Variants in PCDHB10 observed in about 807,000 individuals in gnomAD.
The protein encoded by PCDHB10 is protocadherin beta 10, also known as protocadherin beta-10.
For synonymous variants in PCDHB10, 448 were observed against 449.2 expected (o/e 1.00, Z 0.04); for missense variants, 1,046 against 1,004.7 (o/e 1.04, Z -0.56).
rs868928705 is a variant in PCDHB10 at position 141,193,759 on chromosome 5, CTAAT to C, written c.1210_1213del (p.Ile404GlnfsTer27). The C allele has an allele frequency of 4.3e-6, 7 of 1,614,066 alleles. No homozygotes were observed. The African/African-American group carries it at 8.0e-5, about 18-fold the overall frequency. ...ACCTTCTGTGGAGAATTTTTACATC[CTAAT>C]TACAGAAGGCGCGCTGGACAGAGAG... On this transcript the variant is annotated frameshift_variant, in exon 1 of 1. Transcript: ENST00000239446. LOFTEE classifies it low-confidence loss of function (END_TRUNC).
At position 141,194,624 on chromosome 5, in the gene PCDHB10, ACCTGGTGGT is replaced by A; in HGVS notation, c.2073_2081del (p.Tyr691_Val694delinsTer). On this transcript the variant is annotated stop_gained and inframe_deletion, in exon 1 of 1. Transcript: ENST00000239446. LOFTEE classifies it low-confidence loss of function (END_TRUNC). ...GCCGAGGCCGACTTGCTCACCGTCT[ACCTGGTGGT>A]GGCGTTGGCCTCGGTGTCTTCGCTC... The A allele has an allele frequency of 6.3e-7, 1 of 1,596,800 alleles. No individual in the cohort carries two copies. The highest frequency in any genetic ancestry group is 1.1e-5 in the South Asian group (1 of 90,436).
rs782237237 is a variant in PCDHB10, at chr5:141,193,281, C to G, written c.729C>G (p.Ala243=). ...LDVNDNAPQF[A]QALYETQAPE... is the part of the protein sequence containing the mutation. ...TCAATGACAATGCCCCACAGTTTGC[C>G]CAGGCTCTGTATGAGACCCAGGCTC... Residue 243 remains alanine, a synonymous_variant, in exon 1 of 1, where the codon GCC becomes GCG. Transcript: ENST00000239446. The G allele has an allele frequency of 1.2e-6, 2 of 1,614,046 alleles. No individual in the cohort carries two copies. Among genetic ancestry groups the G allele is most frequent in the South Asian group, 2.2e-5 (2 of 91,070 alleles).
At position 141,194,096 on chromosome 5, in the gene PCDHB10, C is replaced by A; in HGVS notation, c.1544C>A (p.Ala515Asp). 3 of 1,605,856 alleles carry A rather than the reference C, an allele frequency of 1.9e-6. No individual in the cohort carries two copies. Among genetic ancestry groups the A allele is most frequent in the Non-Finnish European group, 1.7e-6 (2 of 1,176,378 alleles). ...SINADNGHLFALRSLDYEALQ... is the reference protein window; with the variant it reads ...SINADNGHLFDLRSLDYEALQ... ...AACGCGGACAACGGCCACCTGTTCGCCCTCAGGTCGCTGGACTACGAGGCC... is the reference window on the plus strand; with the variant it reads ...AACGCGGACAACGGCCACCTGTTCGACCTCAGGTCGCTGGACTACGAGGCC... The change falls in exon 1 of 1, where the codon GCC becomes GAC. Residue 515 changes from alanine to aspartate, a missense_variant. Physicochemically the swap from Ala to Asp is moderately radical, Grantham distance 126. Transcript: ENST00000239446.
rs201494824 is a variant in PCDHB10, at chr5:141,193,963, G to C, written c.1411G>C (p.Gly471Arg). 231 of 1,611,148 alleles carry C rather than the reference G, an allele frequency of 1.4e-4. No individual in the cohort carries two copies. Among genetic ancestry groups the C allele is most frequent in the African/African-American group, 7.2e-4 (54 of 74,750 alleles). ...RENNSPALHI[G>R]SVSATDRDSG... ...GAACAACAGCCCCGCCCTGCACATC[G>C]GCAGCGTCAGCGCCACAGACAGAGA... is the stretch of plus-strand genomic sequence containing the variant. Residue 471 changes from glycine (G) to arginine (R), a missense_variant, in exon 1 of 1, where the codon GGC becomes CGC. Gly to Arg is a moderately radical substitution (Grantham distance 125). Transcript: ENST00000239446.
chr5:141,193,641 G>C lies in PCDHB10; in HGVS notation c.1089G>C (p.Thr363=). The C allele has an allele frequency of 6.2e-7, 1 of 1,614,086 alleles. No homozygotes were observed. Among genetic ancestry groups the C allele is most frequent in the Non-Finnish European group, 8.5e-7 (1 of 1,180,026 alleles). The change falls in exon 1 of 1, where the codon ACG becomes ACC. Residue 363 remains threonine, a synonymous_variant. Coordinates refer to ENST00000239446, the MANE Select transcript of PCDHB10 (RefSeq NM_018930.4). ...CTGTTGCTGAGAATTCTCCTGAGAC[G>C]CCGCTGGCTGTTTTTAAGATTAATG... ...SNSVAENSPE[T]PLAVFKINDR...
Position 141,193,950 on chromosome 5 carries a change from C to G in PCDHB10, c.1398C>G (p.Pro466=), listed in dbSNP as rs782690109. The change falls in exon 1 of 1, where the codon CCC becomes CCG. Residue 466 remains proline (P), a synonymous_variant. Transcript: ENST00000239446. ...YTLFVRENNS[P]ALHIGSVSAT... ...TGTTCGTCCGCGAGAACAACAGCCC[C>G]GCCCTGCACATCGGCAGCGTCAGCG... is the stretch of plus-strand genomic sequence containing the variant. 2.6e-5 allele frequency: 42 copies of G among 1,611,992 alleles called. No homozygotes were observed. The highest frequency in any genetic ancestry group is 3.1e-5 in the Non-Finnish European group (37 of 1,179,782).
At position 141,195,344 on chromosome 5, in the gene PCDHB10, A is replaced by G. The variant is rs1754031044; in HGVS notation, c.*389A>G. Reference sequence around the variant, plus strand: ...ATTTCCAAACTCATTCTAACATTCTATATATTCGTGTTTGAAAACCATGTC... The same window carrying G: ...ATTTCCAAACTCATTCTAACATTCTGTATATTCGTGTTTGAAAACCATGTC... On this transcript the variant is annotated 3_prime_UTR_variant, in exon 1 of 1. Transcript: ENST00000239446. 5.8e-6 allele frequency: 1 copy of G among 172,138 alleles called. No homozygotes were observed. The highest frequency in any genetic ancestry group is 3.0e-3 in the Middle Eastern group (1 of 334). 10.7% of individuals were successfully genotyped at this position (172,138 alleles called of 1,614,324 possible). A position where few individuals can be genotyped will look rare whatever the true frequency, so the allele number is the denominator to read the frequency against.
chr5:141,193,053 C>T lies in PCDHB10; in HGVS notation c.501C>T (p.Ile167=), dbSNP rs547580142. 6.2e-7 allele frequency: 1 copy of T among 1,614,166 alleles called. No homozygotes were observed. The highest frequency in any genetic ancestry group is 2.2e-5 in the East Asian group (1 of 44,896). The change falls in exon 1 of 1, where the codon ATC becomes ATT. Residue 167 remains isoleucine (I), a synonymous_variant. Transcript: ENST00000239446. ...AQDPDGGLNG[I]QNYTISPNSF... ...ATCCAGATGGAGGACTTAACGGTAT[C>T]CAAAACTACACGATCAGCCCCAACT...
At position 141,192,427 on chromosome 5, in the gene PCDHB10, T is replaced by G; in HGVS notation, c.-126T>G. On this transcript the variant is annotated 5_prime_UTR_variant, in exon 1 of 1. Coordinates refer to ENST00000239446, the MANE Select transcript of PCDHB10 (RefSeq NM_018930.4). ...AAAGAGAAGCTTTAGCTGCCAAAGA[T>G]TGGGAAAGGGAAAGGACAAAAAAGA... is the stretch of plus-strand genomic sequence containing the variant. 1 of 1,221,602 alleles carries G rather than the reference T, an allele frequency of 8.2e-7. No homozygotes were observed. The highest frequency in any genetic ancestry group is 1.1e-6 in the Non-Finnish European group (1 of 870,312). 75.7% of individuals were successfully genotyped at this position (1,221,602 alleles called of 1,614,324 possible). A position where few individuals can be genotyped will look rare whatever the true frequency, so the allele number is the denominator to read the frequency against.
In PCDHB10 at chr5:141,194,184, G is replaced by GGC. The variant is rs782200720; in HGVS notation, c.1635_1636dup (p.Leu546ArgfsTer42). Reference sequence around the variant, plus strand: ...GCGGCTCCCCCGCGCTGAGCAGAGAGGCGCTGGTGCGCGTGCTGGTGCTGG... The same window carrying GGC: ...GCGGCTCCCCCGCGCTGAGCAGAGAGGCGCGCTGGTGCGCGTGCTGGTGCTGG... On this transcript the variant is annotated frameshift_variant, in exon 1 of 1. Transcript: ENST00000239446. LOFTEE classifies it low-confidence loss of function (END_TRUNC). 234 of 1,603,068 alleles carry GGC rather than the reference G, an allele frequency of 1.5e-4. No homozygotes were observed. The highest frequency in any genetic ancestry group is 1.9e-4 in the Non-Finnish European group (223 of 1,177,948).
rs1554284215 is a variant in PCDHB10, at chr5:141,193,936, G to A, written c.1384G>A (p.Glu462Lys). 2.5e-6 allele frequency: 4 copies of A among 1,612,406 alleles called. No homozygotes were observed. Among genetic ancestry groups the A allele is most frequent in the Admixed American group, 1.7e-5 (1 of 59,982 alleles). ...TQTSYTLFVRENNSPALHIGS... is the reference protein window; with the variant it reads ...TQTSYTLFVRKNNSPALHIGS... Reference sequence around the variant, plus strand: ...AACCTCCTACACCCTGTTCGTCCGCGAGAACAACAGCCCCGCCCTGCACAT... The same window carrying A: ...AACCTCCTACACCCTGTTCGTCCGCAAGAACAACAGCCCCGCCCTGCACAT... The change falls in exon 1 of 1, where the codon GAG becomes AAG. Residue 462 changes from glutamate (E) to lysine (K), a missense_variant. Glu to Lys is a moderately conservative substitution (Grantham distance 56). Coordinates refer to ENST00000239446, the MANE Select transcript of PCDHB10 (RefSeq NM_018930.4).
At position 141,193,563 on chromosome 5, in the gene PCDHB10, A is replaced by T. The variant is rs2149669227; in HGVS notation, c.1011A>T (p.Val337=). ...CAAGATGTAGGGTTTTAGTGGAAGTATTGGACACCAATGACAATCCCCCTG... is the reference window on the plus strand; with the variant it reads ...CAAGATGTAGGGTTTTAGTGGAAGTTTTGGACACCAATGACAATCCCCCTG... The part of the protein sequence containing the change: ...LSARCRVLVE[V]LDTNDNPPEL... The change falls in exon 1 of 1, where the codon GTA becomes GTT. Residue 337 remains valine (V), a synonymous_variant. Coordinates refer to ENST00000239446, the MANE Select transcript of PCDHB10 (RefSeq NM_018930.4). The T allele has an allele frequency of 6.2e-7, 1 of 1,614,162 alleles. No homozygotes were observed. Among genetic ancestry groups the T allele is most frequent in the Middle Eastern group, 1.6e-4 (1 of 6,062 alleles).
Position 141,193,039 on chromosome 5 carries a change from G to A in PCDHB10, c.487G>A (p.Gly163Arg). ...AGAAAGAGCACAGGATCCAGATGGA[G>A]GACTTAACGGTATCCAAAACTACAC... Reference protein sequence around the residue: ...RLERAQDPDGGLNGIQNYTIS... With the variant: ...RLERAQDPDGRLNGIQNYTIS... Residue 163 changes from glycine to arginine, a missense_variant, in exon 1 of 1, where the codon GGA becomes AGA. Coordinates refer to ENST00000239446, the MANE Select transcript of PCDHB10 (RefSeq NM_018930.4). 1 of 1,614,182 alleles carries A rather than the reference G, an allele frequency of 6.2e-7. No homozygotes were observed. Among genetic ancestry groups the A allele is most frequent in the Non-Finnish European group, 8.5e-7 (1 of 1,180,032 alleles).
rs781809151 is a variant in PCDHB10 at position 141,194,508 on chromosome 5, C to A, written c.1956C>A (p.Arg652=). The change falls in exon 1 of 1, where the codon CGC becomes CGA. Residue 652 remains arginine, a synonymous_variant. Transcript: ENST00000239446. ...TCAAGGACAATGGCGAGCCTCCTCG[C>A]TCGGCCACCGCCACGCTGCACTTGC... The part of the protein sequence containing the change: ...VLVKDNGEPP[R]SATATLHLLL... The A allele has an allele frequency of 6.3e-7, 1 of 1,587,922 alleles. No homozygotes were observed. Among genetic ancestry groups the A allele is most frequent in the South Asian group, 1.1e-5 (1 of 89,246 alleles).
chr5:141,193,572 C>A lies in PCDHB10; in HGVS notation c.1020C>A (p.Thr340=), dbSNP rs782575554. The A allele has an allele frequency of 1.9e-6, 3 of 1,614,084 alleles. No individual in the cohort carries two copies. In the Admixed American group the frequency reaches 5.0e-5, roughly 27 times the overall value. The change falls in exon 1 of 1, where the codon ACC becomes ACA. Residue 340 remains threonine, a synonymous_variant. Coordinates refer to ENST00000239446, the MANE Select transcript of PCDHB10 (RefSeq NM_018930.4). ...RCRVLVEVLD[T]NDNPPELIVS... is the part of the protein sequence containing the mutation. ...GGGTTTTAGTGGAAGTATTGGACAC[C>A]AATGACAATCCCCCTGAACTGATCG... is the stretch of plus-strand genomic sequence containing the variant.
rs893842875 is a variant in PCDHB10 at position 141,192,387 on chromosome 5, G to C, written c.-166G>C. The C allele has an allele frequency of 6.8e-5, 56 of 829,220 alleles. No homozygotes were observed. The highest frequency in any genetic ancestry group is 1.0e-4 in the Non-Finnish European group (55 of 530,382). 51.4% of individuals were successfully genotyped at this position (829,220 alleles called of 1,614,324 possible). On this transcript the variant is annotated 5_prime_UTR_variant, in exon 1 of 1. Coordinates refer to ENST00000239446, the MANE Select transcript of PCDHB10 (RefSeq NM_018930.4). ...GCAAGTCACTAATAAAGGAAGACAC[G>C]GACAGATGAACTTAAAAGAGAAGCT...
At position 141,195,340 on chromosome 5, in the gene PCDHB10, T is replaced by C. The variant is rs1409244694; in HGVS notation, c.*385T>C. ...CTACATTTCCAAACTCATTCTAACATTCTATATATTCGTGTTTGAAAACCA... is the reference window on the plus strand; with the variant it reads ...CTACATTTCCAAACTCATTCTAACACTCTATATATTCGTGTTTGAAAACCA... On this transcript the variant is annotated 3_prime_UTR_variant, in exon 1 of 1. Transcript: ENST00000239446. 1.2e-5 allele frequency: 2 copies of C among 173,322 alleles called. No individual in the cohort carries two copies. The highest frequency in any genetic ancestry group is 4.8e-5 in the African/African-American group (2 of 41,628). 10.7% of individuals were successfully genotyped at this position (173,322 alleles called of 1,614,324 possible).
In PCDHB10 at chr5:141,194,536, C is replaced by T. The variant is rs781993872; in HGVS notation, c.1984C>T (p.Leu662=). The change falls in exon 1 of 1, where the codon CTG becomes TTG. Residue 662 remains leucine (L), a synonymous_variant. Transcript: ENST00000239446. ...RSATATLHLL[L]VDGFSQPYLP... is the part of the protein sequence containing the mutation. ...GGCCACCGCCACGCTGCACTTGCTC[C>T]TGGTGGACGGCTTCTCCCAGCCCTA... 4 of 1,579,262 alleles carry T rather than the reference C, an allele frequency of 2.5e-6. No homozygotes were observed. Among genetic ancestry groups the T allele is most frequent in the Non-Finnish European group, 3.4e-6 (4 of 1,166,146 alleles).
Position 141,194,702 on chromosome 5 carries a change from G to A in PCDHB10, c.2150G>A (p.Arg717Lys). Residue 717 changes from arginine (R) to lysine (K), a missense_variant, in exon 1 of 1, where the codon AGG becomes AAG. Arg to Lys is a conservative substitution (Grantham distance 26). Coordinates refer to ENST00000239446, the MANE Select transcript of PCDHB10 (RefSeq NM_018930.4). ...CTGTTCGTGGCGGTGCGGCTGTGCA[G>A]GAGGAGCAGGGCGGCCTCGGTGGGT... ...VLLFVAVRLC[R>K]RSRAASVGRC... The A allele has an allele frequency of 6.2e-7, 1 of 1,609,818 alleles. No individual in the cohort carries two copies. Among genetic ancestry groups the A allele is most frequent in the African/African-American group, 1.3e-5 (1 of 74,940 alleles).
Sources: gnomAD v4.1 joint callset for allele counts on GRCh38, gnomAD v4.1.1 for gene constraint, MANE v1.5 for transcripts, NCBI Gene and HGNC (gene_info 2026-07-23, HGNC 2026-07-21) for gene names.